The following PGAP4 variants were observed in gnomAD, a reference collection of about 807,000 sequenced individuals.
PGAP4 encodes the protein post-GPI attachment to proteins GalNAc transferase 4.
A neutral mutation model predicts 28.2 loss-of-function variants in PGAP4; 12 were observed. The observed-to-expected ratio is 0.42, with a 90% CI of 0.27 to 0.69. The LOEUF (loss-of-function observed/expected upper bound fraction) is 0.69. Among genes scored for constraint, PGAP4 ranks in the 30% least tolerant of loss-of-function variants. PGAP4 has a pLI of 0.22. For missense variants in PGAP4, 425 were observed against 513.5 expected (o/e 0.83, Z 1.67); for synonymous variants, 205 against 211.8 (o/e 0.97, Z 0.28).
intron 2 of PGAP4, among the ~76,000 whole-genome samples, chr9:101,520,898 G>T (rs547231978): frequency 4.2e-4 from 61 of 146,748 alleles, no homozygotes; most frequent in Middle Eastern, 3.6e-3. Context: ...TCCCTTGTGT[G>T]CTGATTTTGC....
intron 2 of PGAP4, among the ~76,000 whole-genome samples, chr9:101,492,990 C>G (rs1348162190): frequency 1.3e-5 from 2 of 152,004 alleles, no homozygotes; most frequent in African/African-American, 4.8e-5. Flanking sequence ...CACAGTGGCT[C>G]ACACCTGTAA....
intron 2 of PGAP4, among the ~76,000 whole-genome samples, chr9:101,493,240 G>A (rs776806607): frequency 2.1e-4 from 30 of 144,022 alleles, no homozygotes; most frequent in Non-Finnish European, 3.7e-4. Context: ...GTGACAGAGC[G>A]AGACTCCATC....
intron 2 of PGAP4, among the ~76,000 whole-genome samples, chr9:101,509,126 T>G (rs1045071044): frequency 6.6e-6 from 1 of 152,194 alleles, no homozygotes; most frequent in African/African-American, 2.4e-5. Flanking sequence ...GGGTCGTGTA[T>G]CCATTCCTTC....
chr9:101,493,827 A>G (rs960730390), intron 2 of PGAP4, among the ~76,000 whole-genome samples: 3 of 152,038 alleles, frequency 2.0e-5, no homozygotes, highest in Non-Finnish European at 2.9e-5. Context: ...TAGTTTATAG[A>G]GCTTTAGGAA....
chr9:101,498,025 A>G (rs1020247671), intron 2 of PGAP4, among the ~76,000 whole-genome samples: 17 of 151,870 alleles, frequency 1.1e-4, no homozygotes, highest in African/African-American at 4.1e-4. Context: ...ACCTGTTTAT[A>G]TGGCTAAACC....
At chr9:101,498,832 G>A (rs1158371172) in intron 2 of PGAP4, among the ~76,000 whole-genome samples, 2 of 152,000 alleles carry the variant, frequency 1.3e-5, no homozygotes, top group African/African-American at 2.4e-5. Flanking sequence ...ATGGTGGTGA[G>A]TGCTCTAGTG....
chr9:101,513,516 C>T (rs1168355839), intron 2 of PGAP4, among the ~76,000 whole-genome samples: 10 of 152,268 alleles, frequency 6.6e-5, no homozygotes, highest in South Asian at 2.1e-4. Context: ...AGGACATCAC[C>T]TCCCACAGAT....
intron 2 of PGAP4, among the ~76,000 whole-genome samples, chr9:101,496,454 T>C (rs113547541): frequency 2.9e-4 from 44 of 151,576 alleles, no homozygotes; most frequent in African/African-American, 1.0e-3. Flanking sequence ...TAAGAGCAAA[T>C]TAATATTTTA....
upstream of PGAP4, chr9:101,487,317 A>G (rs987437726): frequency 1.3e-5 from 2 of 152,266 alleles, no homozygotes; most frequent in Non-Finnish European, 2.9e-5. Flanking sequence ...CCAGCATTAT[A>G]TTTCATCAGG....
chr9:101,476,630 C>T lies in PGAP4; in HGVS notation c.463G>A (p.Ala155Thr), dbSNP rs1826324987. 6.2e-7 allele frequency: 1 copy of T among 1,614,068 alleles called. No homozygotes were observed. Among genetic ancestry groups the T allele is most frequent in the African/African-American group, 1.3e-5 (1 of 74,926 alleles). Residue 155 changes from alanine to threonine, a missense_variant, in exon 2 of 2, where the codon GCC becomes ACC. Ala to Thr is a moderately conservative substitution (Grantham distance 58, BLOSUM62 0). Coordinates refer to ENST00000374848, the MANE Select transcript of PGAP4 (RefSeq NM_032342.3). The surrounding 1 kb of genome is among the most constrained non-coding windows in gnomAD (Gnocchi z 7.0). ...GGGACATACTTGGAGAGCAACTTGGCATCAAAATGGCTCACACTACGCTCC... is the reference window on the plus strand; with the variant it reads ...GGGACATACTTGGAGAGCAACTTGGTATCAAAATGGCTCACACTACGCTCC... ...NVERSVSHFDAKLLSKYVPVA... is the reference protein window; with the variant it reads ...NVERSVSHFDTKLLSKYVPVA...
rs936900149 is a variant in PGAP4 at position 101,500,177 on chromosome 9, C to T, written c.-164-10977G>A. Among the ~76,000 whole-genome samples the T allele has an allele frequency of 1.1e-4, 16 of 151,992 alleles. 1 individual carries two copies. The highest frequency in any genetic ancestry group is 5.3e-4 in the Admixed American group (8 of 15,232). On this transcript the variant is annotated intron_variant, in intron 2 of 3. Transcript: ENST00000374851. ...TTCCTACTTCAGCTATAAAAATTAT[C>T]GCAACTTTAACGTCTTAAAAACACA...
intron 2 of PGAP4, among the ~76,000 whole-genome samples, chr9:101,520,912 G>C (rs1826984048): frequency 1.3e-5 from 2 of 152,098 alleles, no homozygotes; most frequent in Non-Finnish European, 2.9e-5. Context: ...ATTTTGCTTA[G>C]GGTTTTGGTC....
At chr9:101,488,613 C>T (rs185055281), upstream of PGAP4, among the ~76,000 whole-genome samples, 1 of 152,184 alleles carries the variant, frequency 6.6e-6, no homozygotes, top group African/African-American at 2.4e-5. Flanking sequence ...TAGTTATTCA[C>T]TTGTTTAACA....
At chr9:101,526,045 T>C (rs779471940) in intron 2 of PGAP4, among the ~76,000 whole-genome samples, 55 of 152,146 alleles carry the variant, frequency 3.6e-4, no homozygotes, top group Admixed American at 2.0e-3. Context: ...TTGGTACAAA[T>C]TGACATTTAT....
At chr9:101,491,360 A>G (rs1826687092), upstream of PGAP4, among the ~76,000 whole-genome samples, 1 of 152,182 alleles carries the variant, frequency 6.6e-6, no homozygotes, top group Non-Finnish European at 1.5e-5. Flanking sequence ...ATAAAGCCAT[A>G]TCACAGAACC....
chr9:101,526,192 A>C (rs1329453122), intron 2 of PGAP4, among the ~76,000 whole-genome samples: 1 of 152,224 alleles, frequency 6.6e-6, no homozygotes, highest in Non-Finnish European at 1.5e-5. Flanking sequence ...CATTTCAAAC[A>C]CACTGATCTA....
intron 2 of PGAP4, chr9:101,501,903 C>A: frequency 2.5e-6 from 1 of 398,938 alleles, no homozygotes; most frequent in Non-Finnish European, 4.9e-6. Context: ...GCAGAGGCCT[C>A]CGATTGGAAA....
chr9:101,515,628 T>C lies in PGAP4; in HGVS notation c.-165+15720A>G, dbSNP rs192684913. ...AATCAGAAAACTGGGAATTGTTCCA[T>C]GCCCTTCAGAAATTTTTGTCAAAAT... is the stretch of plus-strand genomic sequence containing the variant. On this transcript the variant is annotated intron_variant, in intron 2 of 3. Coordinates refer to the PGAP4 transcript ENST00000374851. 4.5e-3 allele frequency among the ~76,000 whole-genome samples: 690 copies of C among 152,284 alleles called. 6 individuals are homozygous for C. Among genetic ancestry groups the C allele is most frequent in the African/African-American group, 0.015 (628 of 41,574 alleles).
rs1826208914 is a variant in PGAP4, at chr9:101,473,393, G to A, written c.*2488C>T. 6.6e-6 allele frequency: 1 copy of A among 152,194 alleles called. No homozygotes were observed. The allele number at this position is 152,194 out of a possible 1,614,324, so 9.4% of individuals were successfully genotyped here. On this transcript the variant is annotated 3_prime_UTR_variant, in exon 2 of 2. Coordinates refer to ENST00000374848, the MANE Select transcript of PGAP4 (RefSeq NM_032342.3). Reference sequence around the variant, plus strand: ...GATTAAGTGAGAGACTTCAGCTTTGGTGTAAAGCTGTCAGCTGCCCTAATC... The same window carrying A: ...GATTAAGTGAGAGACTTCAGCTTTGATGTAAAGCTGTCAGCTGCCCTAATC...
Sources: gnomAD v4.1 joint callset for allele counts (sites outside exome capture counted in the v4.1 genomes callset) on GRCh38, gnomAD v4.1.1 for gene constraint, Gnocchi (gnomAD v3.1) non-coding constraint, MANE v1.5 for transcripts, NCBI Gene and HGNC (gene_info 2026-07-23, HGNC 2026-07-21) for gene names.